The following EIF4G3 variants were observed in gnomAD, a reference collection of about 807,000 sequenced individuals.
EIF4G3 encodes eukaryotic translation initiation factor 4 gamma 3.
Under a neutral mutation model 186.4 loss-of-function variants are expected in EIF4G3, and 34 were observed. The observed-to-expected ratio is 0.18, with a 90% CI of 0.14 to 0.24. EIF4G3 has a LOEUF of 0.24. EIF4G3 is among the 10% of genes least tolerant of loss of function. The probability of loss-of-function intolerance (pLI) is 1.00; values close to 1 mark genes in which losing one functional copy is unlikely to be tolerated. For missense variants in EIF4G3, 1,536 were observed against 1,948.5 expected (o/e 0.79, Z 3.99); for synonymous variants, 673 against 679.5 (o/e 0.99, Z 0.15).
chr1:21,158,177 T>A (rs1215349981), intron 2 of EIF4G3, among the ~76,000 whole-genome samples: 5 of 146,466 alleles, frequency 3.4e-5, no homozygotes, highest in African/African-American at 7.7e-5. Flanking sequence ...AGCTTTTTTT[T>A]TTTTTTTTTT....
intron 4 of EIF4G3, among the ~76,000 whole-genome samples, chr1:21,007,515 T>C (rs1358082643): frequency 6.7e-5 from 1 of 14,872 alleles, no homozygotes; most frequent in African/African-American, 1.3e-4. Context: ...GGCCCCTCCT[T>C]AAAAAAAAAA....
chr1:20,894,243 A>T, intron 17 of EIF4G3, among the ~76,000 whole-genome samples: 1 of 152,216 alleles, frequency 6.6e-6, no homozygotes, highest in East Asian at 1.9e-4. Context: ...TGAGAAATCA[A>T]CTAATTAGTG....
At chr1:20,898,809 C>T (rs904970005) in intron 16 of EIF4G3, among the ~76,000 whole-genome samples, 2 of 152,174 alleles carry the variant, frequency 1.3e-5, no homozygotes, top group Non-Finnish European at 2.9e-5. Flanking sequence ...TGGCTCACTG[C>T]AACCTCTGCC....
intron 19 of EIF4G3, 39 bp from the exon 20 acceptor site, chr1:20,879,559 CTG>C: frequency 1.6e-6 from 2 of 1,251,172 alleles, no homozygotes; most frequent in Non-Finnish European, 2.1e-6. Context: ...ATTAGAGTAA[CTG>C]TGACAATATG....
chr1:21,114,714 T>C (rs1000417458), intron 2 of EIF4G3, among the ~76,000 whole-genome samples: 1 of 149,102 alleles, frequency 6.7e-6, no homozygotes, highest in African/African-American at 2.4e-5. Flanking sequence ...CAACACTTAA[T>C]AAAAAAAATT....
At chr1:20,869,059 T>A (rs936082281) in intron 20 of EIF4G3, among the ~76,000 whole-genome samples, 16 of 152,144 alleles carry the variant, frequency 1.1e-4, no homozygotes, top group Admixed American at 2.0e-4. Flanking sequence ...AGTGTAGTAA[T>A]TATGGTAATC....
intron 3 of EIF4G3, among the ~76,000 whole-genome samples, chr1:21,073,378 G>A (rs1240591852): frequency 6.6e-6 from 1 of 152,080 alleles, no homozygotes; most frequent in African/African-American, 2.4e-5. Flanking sequence ...GTCCTTAATT[G>A]CATTAACCAC....
intron 20 of EIF4G3, among the ~76,000 whole-genome samples, chr1:20,876,710 C>T (rs960400602): frequency 6.6e-6 from 1 of 152,040 alleles, no homozygotes; most frequent in Non-Finnish European, 1.5e-5. Flanking sequence ...TTAAAATAAT[C>T]CAGGAGGCCA....
At chr1:21,100,515 G>T (rs755940711) in intron 2 of EIF4G3, among the ~76,000 whole-genome samples, 4 of 152,126 alleles carry the variant, frequency 2.6e-5, no homozygotes, top group Non-Finnish European at 5.9e-5. Context: ...ATTGCAGAAA[G>T]AAGTCATAAA....
chr1:21,001,752 A>C (rs1175102922), intron 5 of EIF4G3, among the ~76,000 whole-genome samples: 1 of 152,218 alleles, frequency 6.6e-6, no homozygotes, highest in Non-Finnish European at 1.5e-5. Flanking sequence ...AAATAGAAAA[A>C]GGATAAGAAA....
At chr1:20,813,611 A>G (rs1355131940) in intron 34 of EIF4G3, among the ~76,000 whole-genome samples, 3 of 151,852 alleles carry the variant, frequency 2.0e-5, no homozygotes, top group African/African-American at 7.3e-5. Flanking sequence ...TCATGCCTGT[A>G]ATCCCAGCAC....
chr1:20,941,683 C>A lies in EIF4G3; in HGVS notation c.1471G>T (p.Ala491Ser). 6.2e-7 allele frequency: 1 copy of A among 1,613,114 alleles called. No individual in the cohort carries two copies. The highest frequency in any genetic ancestry group is 8.5e-7 in the Non-Finnish European group (1 of 1,179,646). Residue 491 changes from alanine to serine, a missense_variant, in exon 14 of 37, where the codon GCT (alanine) becomes TCT (serine). By Grantham distance (99) the Ala-to-Ser change is moderately conservative (BLOSUM62 1). Coordinates refer to ENST00000602326, the MANE Select transcript of EIF4G3 (RefSeq NM_001391906.1). ...PPHTPVIVPA[A>S]ATTVSSPSAA... ...CTCGGAGAACTAACAGTAGTGGCAG[C>A]AGCAGGAACAATGACTGGAGTGTGA...
At chr1:21,136,670 G>C (rs960604269) in intron 2 of EIF4G3, among the ~76,000 whole-genome samples, 1 of 152,196 alleles carries the variant, frequency 6.6e-6, no homozygotes, top group Non-Finnish European at 1.5e-5. Context: ...AACTAACCCA[G>C]GAAGGAAATG....
chr1:21,100,053 T>C (rs993051345), intron 2 of EIF4G3, among the ~76,000 whole-genome samples: 8 of 152,226 alleles, frequency 5.3e-5, no homozygotes, highest in African/African-American at 1.9e-4. Context: ...GTGATACATG[T>C]ACATTACGGA....
chr1:20,899,382 C>T (rs1215991689), intron 16 of EIF4G3, among the ~76,000 whole-genome samples: 1 of 152,150 alleles, frequency 6.6e-6, no homozygotes, highest in Non-Finnish European at 1.5e-5. Flanking sequence ...ATCTCTATAT[C>T]CCTTTCAATT....
In EIF4G3 at chr1:20,932,238, G is replaced by C. The variant is rs575786373; in HGVS notation, c.1663+9253C>G. On this transcript the variant is annotated intron_variant, in intron 14 of 36. Transcript: ENST00000602326. ...TCTTCACAGAACTGAAGAGACTTAG[G>C]GCACTGTTTTGGATGAGGCTTTGAC... Among the ~76,000 whole-genome samples the C allele has an allele frequency of 8.4e-4, 128 of 152,222 alleles. 1 individual carries two copies. The highest frequency in any genetic ancestry group is 2.1e-3 in the African/African-American group (88 of 41,550).
chr1:21,048,999 T>C (rs2154576336), intron 4 of EIF4G3, among the ~76,000 whole-genome samples: 1 of 152,340 alleles, frequency 6.6e-6, no homozygotes, highest in East Asian at 1.9e-4. Context: ...ACGAAGGTTA[T>C]ACAGCAAATT....
At chr1:21,066,462 T>C (rs2095246475) in intron 3 of EIF4G3, among the ~76,000 whole-genome samples, 1 of 152,090 alleles carries the variant, frequency 6.6e-6, no homozygotes, top group Non-Finnish European at 1.5e-5. Flanking sequence ...AAAAGTTCTT[T>C]GGGATCTGTA....
Position 20,899,783 on chromosome 1 carries a change from T to C in EIF4G3, c.1913A>G (p.Glu638Gly), listed in dbSNP as rs151338096. Residue 638 changes from glutamate (E) to glycine (G), a missense_variant, in exon 16 of 37, where the codon GAG (glutamate) becomes GGG (glycine). Coordinates refer to ENST00000602326, the MANE Select transcript of EIF4G3 (RefSeq NM_001391906.1). ...EEAEPVRNGA[E>G]SVSEGEGIDA... The stretch of plus-strand genomic sequence containing the variant: ...TATTCCTTCACCCTCAGAAACACTC[T>C]CAGCACCATTACGTACTGGCTCAGC... The C allele has an allele frequency of 4.0e-5, 65 of 1,614,032 alleles. No individual in the cohort carries two copies. The highest frequency in any genetic ancestry group is 5.3e-5 in the Non-Finnish European group (63 of 1,180,016).
Sources: gnomAD v4.1 joint callset for allele counts (sites outside exome capture counted in the v4.1 genomes callset) on GRCh38, gnomAD v4.1.1 for gene constraint, MANE v1.5 for transcripts, NCBI Gene and HGNC (gene_info 2026-07-23, HGNC 2026-07-21) for gene names.